Variants in CDH20 observed in about 807,000 individuals in gnomAD.
CDH20 encodes the protein cadherin-20.
CDH20 carries 29 observed loss-of-function variants against 74.2 expected under a neutral mutation model. That is an observed-to-expected ratio of 0.39 (90% CI 0.29 to 0.53). The LOEUF (loss-of-function observed/expected upper bound fraction) is 0.53, where lower values mean the gene tolerates loss of function less well. Among genes scored for constraint, CDH20 ranks in the 20% least tolerant of loss-of-function variants. The pLI is 0.69. For missense variants in CDH20, 988 were observed against 1,048.3 expected (o/e 0.94, Z 0.79); for synonymous variants, 469 against 405.4 (o/e 1.16, Z -1.88).
At chr18:61,490,857 T>A in intron 2 of CDH20, 58 bp downstream of exon 2, 2 of 1,521,486 alleles carry the variant, frequency 1.3e-6, no homozygotes, top group Middle Eastern at 2.0e-4. Context: ...GAATATGAAT[T>A]GAGTATCAAA....
At chr18:61,446,552 C>G (rs1450586052) in intron 1 of CDH20, among the ~76,000 whole-genome samples, 1 of 152,112 alleles carries the variant, frequency 6.6e-6, no homozygotes, top group East Asian at 1.9e-4. Context: ...TCTTCATTAT[C>G]TACTCTCTTT....
chr18:61,375,327 G>A (rs1033733284), intron 1 of CDH20, among the ~76,000 whole-genome samples: 5 of 152,162 alleles, frequency 3.3e-5, no homozygotes, highest in African/African-American at 4.8e-5. Context: ...TTCATGCAGC[G>A]CTGAATTCTG....
At chr18:61,553,190 T>C (rs779656871) in intron 11 of CDH20, among the ~76,000 whole-genome samples, 1 of 152,116 alleles carries the variant, frequency 6.6e-6, no homozygotes, top group Admixed American at 6.5e-5. Context: ...CTTTCTCCCC[T>C]TGGATAAACT....
At chr18:61,389,832 G>A (rs1911715008) in intron 1 of CDH20, among the ~76,000 whole-genome samples, 1 of 152,108 alleles carries the variant, frequency 6.6e-6, no homozygotes, top group African/African-American at 2.4e-5. Flanking sequence ...GCCACTTGTG[G>A]AGTACAGTCC....
chr18:61,413,408 A>G (rs1044194098), intron 1 of CDH20, among the ~76,000 whole-genome samples: 4 of 152,172 alleles, frequency 2.6e-5, no homozygotes, highest in Non-Finnish European at 4.4e-5. Context: ...ATATAGAAAA[A>G]TACTCGCTTT....
At chr18:61,339,418 C>A (rs1599023384) in intron 1 of CDH20, among the ~76,000 whole-genome samples, 1 of 151,596 alleles carries the variant, frequency 6.6e-6, no homozygotes, top group East Asian at 1.9e-4. Context: ...AGAGATTGGA[C>A]TTCTAGTGTA....
intron 1 of CDH20, among the ~76,000 whole-genome samples, chr18:61,477,974 G>A (rs2429729): frequency 0.047 from 7,172 of 152,162 alleles, 289 homozygotes; most frequent in African/African-American, 0.11. Flanking sequence ...GTCGAGATGA[G>A]CAGATCACTT....
chr18:61,480,112 T>C (rs753523392), intron 1 of CDH20, among the ~76,000 whole-genome samples: 3 of 152,094 alleles, frequency 2.0e-5, no homozygotes, highest in Non-Finnish European at 4.4e-5. Context: ...GAAAAGGGAA[T>C]TACCAAAGAA....
At chr18:61,375,134 G>A (rs993007552) in intron 1 of CDH20, among the ~76,000 whole-genome samples, 6 of 152,122 alleles carry the variant, frequency 3.9e-5, no homozygotes, top group African/African-American at 7.2e-5. Context: ...ATTGAGCGCC[G>A]CTCTTCATCT....
intron 1 of CDH20, among the ~76,000 whole-genome samples, chr18:61,463,572 C>T (rs1909858641): frequency 6.6e-6 from 1 of 151,980 alleles, no homozygotes; most frequent in African/African-American, 2.4e-5. Flanking sequence ...TGAAACACAC[C>T]CTTTGGCTTC....
intron 9 of CDH20, 132 bp downstream of exon 9, chr18:61,539,277 C>A (rs1912940975): frequency 1.1e-6 from 1 of 877,424 alleles, no homozygotes; most frequent in Middle Eastern, 2.3e-4. Flanking sequence ...GTCCCTAATT[C>A]CCGTATATCA....
chr18:61,474,484 G>A (rs758009777), intron 1 of CDH20, among the ~76,000 whole-genome samples: 8 of 151,928 alleles, frequency 5.3e-5, no homozygotes, highest in East Asian at 1.9e-4. Context: ...ACCTCTTTTC[G>A]TTGTGTAGCT....
chr18:61,529,094 A>T (rs922893893), intron 7 of CDH20, among the ~76,000 whole-genome samples: 4 of 152,206 alleles, frequency 2.6e-5, no homozygotes, highest in Admixed American at 6.5e-5. Context: ...CAAAGTGCAA[A>T]TAGTTGATGG....
At chr18:61,496,615 G>A (rs183063932) in intron 2 of CDH20, among the ~76,000 whole-genome samples, 63 of 152,276 alleles carry the variant, frequency 4.1e-4, no homozygotes, top group African/African-American at 1.4e-3. Context: ...TGTCGCTGTC[G>A]TTTCTTAAAG....
In CDH20 at chr18:61,536,573, C is replaced by T. The variant is rs868093912; in HGVS notation, c.1352C>T (p.Pro451Leu). 2 of 1,613,584 alleles carry T rather than the reference C, an allele frequency of 1.2e-6. No homozygotes were observed. The highest frequency in any genetic ancestry group is 2.7e-5 in the African/African-American group (2 of 74,874). ...ITTGALMTAR[P>L]LDREEFSWHN... is the part of the protein sequence containing the mutation. ...ACAGGTGCCCTAATGACAGCAAGAC[C>T]CCTAGACCGGGAAGAATTTTCTTGG... Residue 451 changes from proline (P) to leucine (L), a missense_variant, in exon 8 of 12, where the codon CCC becomes CTC. Pro to Leu is a moderately conservative substitution (Grantham distance 98). This residue lies in a region of CDH20 where 613 missense variants were observed against 755.2 expected (regional missense o/e 0.81). Transcript: ENST00000262717.
chr18:61,410,801 T>C (rs1019377671), intron 1 of CDH20, among the ~76,000 whole-genome samples: 2 of 152,212 alleles, frequency 1.3e-5, no homozygotes, highest in Non-Finnish European at 2.9e-5. Flanking sequence ...AGGAAACATA[T>C]GTAAGTATTT....
intron 1 of CDH20, among the ~76,000 whole-genome samples, chr18:61,388,516 T>C (rs891963594): frequency 6.6e-6 from 1 of 152,200 alleles, no homozygotes; most frequent in Non-Finnish European, 1.5e-5. Flanking sequence ...AATTTCAAAA[T>C]TAAACGGATT....
chr18:61,339,571 C>T (rs926734523), intron 1 of CDH20, among the ~76,000 whole-genome samples: 3 of 151,668 alleles, frequency 2.0e-5, no homozygotes, highest in African/African-American at 4.8e-5. Context: ...GAGTCTTAGA[C>T]CAATCATGAC....
intron 1 of CDH20, among the ~76,000 whole-genome samples, chr18:61,400,755 G>A (rs1912128832): frequency 1.3e-5 from 2 of 152,170 alleles, no homozygotes; most frequent in South Asian, 2.1e-4. Context: ...AAGTGATAGT[G>A]TTAGGAAGTT....
Sources: allele counts gnomAD v4.1 joint callset (sites outside exome capture counted in the v4.1 genomes callset), GRCh38; gene constraint gnomAD v4.1.1; regional missense constraint gnomAD v4.1.1; transcripts MANE v1.5; gene names NCBI Gene and HGNC (gene_info 2026-07-23, HGNC 2026-07-21).